EXOC4: variants seen among roughly 807,000 people sequenced by gnomAD.
The protein encoded by EXOC4 is exocyst complex component 4.
EXOC4 carries 71 observed loss-of-function variants against 107.2 expected under a neutral mutation model. The observed-to-expected ratio is 0.66, with a 90% confidence interval of 0.55 to 0.81. The LOEUF is 0.81. EXOC4 is among the 30% of genes least tolerant of loss of function. EXOC4 has a pLI of 0.00. For synonymous variants in EXOC4, 456 were observed against 441.2 expected (o/e 1.03, Z -0.42); for missense variants, 1,108 against 1,189.6 (o/e 0.93, Z 1.01).
chr7:134,044,672 T>C (rs1795603177), intron 17 of EXOC4, among the ~76,000 whole-genome samples: 1 of 152,242 alleles, frequency 6.6e-6, no homozygotes, highest in Non-Finnish European at 1.5e-5. Context: ...TTCGCTTTAA[T>C]GTAGCACACG....
intron 10 of EXOC4, among the ~76,000 whole-genome samples, chr7:133,717,109 A>G (rs1795013755): frequency 6.6e-6 from 1 of 152,208 alleles, no homozygotes; most frequent in Non-Finnish European, 1.5e-5. Context: ...ATAGATTCCA[A>G]TAAAAAAAAT....
intron 3 of EXOC4, among the ~76,000 whole-genome samples, chr7:133,295,093 T>C (rs983919195): frequency 6.6e-6 from 1 of 152,100 alleles, no homozygotes; most frequent in Non-Finnish European, 1.5e-5. Flanking sequence ...TTGTAGGAAA[T>C]GATATGATGA....
intron 14 of EXOC4, among the ~76,000 whole-genome samples, chr7:133,953,036 AT>A (rs1263951697): frequency 1.3e-5 from 2 of 152,212 alleles, no homozygotes; most frequent in Non-Finnish European, 2.9e-5. Flanking sequence ...GAAATTAGTC[AT>A]TTGAGATTAG....
intron 7 of EXOC4, among the ~76,000 whole-genome samples, chr7:133,429,457 A>G (rs186718292): frequency 2.0e-5 from 3 of 152,220 alleles, no homozygotes; most frequent in Admixed American, 2.0e-4. Context: ...TAATTCACAT[A>G]TAAGTCACCA....
At chr7:133,295,801 C>T (rs951447933) in intron 3 of EXOC4, among the ~76,000 whole-genome samples, 1 of 152,126 alleles carries the variant, frequency 6.6e-6, no homozygotes, top group African/African-American at 2.4e-5. Context: ...CCAAAACATA[C>T]ATACATCCCT....
rs753618140 is a variant in EXOC4 at position 133,289,045 on chromosome 7, A to G, written c.400A>G (p.Ile134Val). The change falls in exon 3 of 18, where the codon ATC (isoleucine) becomes GTC (valine). Residue 134 changes from isoleucine (I) to valine (V), a missense_variant. By Grantham distance (29) the Ile-to-Val change is conservative. Transcript: ENST00000253861. The stretch of plus-strand genomic sequence containing the variant: ...GAACTTGTTGGATGAAATTGAGAAT[A>G]TCAAGCAAGTGCCTCAAAAGCTGGA... ...VLNLLDEIEN[I>V]KQVPQKLEQC... The G allele has an allele frequency of 6.2e-7, 1 of 1,614,240 alleles. No homozygotes were observed. Among genetic ancestry groups the G allele is most frequent in the Admixed American group, 1.7e-5 (1 of 60,032 alleles).
chr7:133,847,269 C>T (rs959261995), intron 11 of EXOC4, among the ~76,000 whole-genome samples: 1 of 152,042 alleles, frequency 6.6e-6, no homozygotes, highest in Non-Finnish European at 1.5e-5. Context: ...GATGTGTTCA[C>T]TATGATATAC....
intron 7 of EXOC4, among the ~76,000 whole-genome samples, chr7:133,458,084 T>C (rs1798504458): frequency 2.0e-5 from 3 of 152,238 alleles, no homozygotes; most frequent in Admixed American, 2.0e-4. Context: ...TTATTTTTAC[T>C]GGCTAGATAT....
chr7:133,979,638 A>T (rs1434959940), intron 14 of EXOC4, among the ~76,000 whole-genome samples: 1 of 152,086 alleles, frequency 6.6e-6, no homozygotes, highest in South Asian at 2.1e-4. Context: ...ATACAAAAAA[A>T]TTAGCCGGGC....
At chr7:133,351,327 T>C (rs534875249) in intron 5 of EXOC4, among the ~76,000 whole-genome samples, 3 of 152,166 alleles carry the variant, frequency 2.0e-5, no homozygotes, top group Non-Finnish European at 4.4e-5. Flanking sequence ...GGTCTAGTGC[T>C]TTTCTTTGTT....
intron 10 of EXOC4, among the ~76,000 whole-genome samples, chr7:133,665,259 T>G (rs1400667451): frequency 6.6e-6 from 1 of 152,154 alleles, no homozygotes; most frequent in Non-Finnish European, 1.5e-5. Flanking sequence ...CATTTGACTT[T>G]TACATGGTTA....
rs140079700 is a variant in EXOC4, at chr7:133,358,566, G to C, written c.1007+1993G>C. 3.8e-4 allele frequency among the ~76,000 whole-genome samples: 58 copies of C among 152,134 alleles called. 1 individual carries two copies. The East Asian group carries it at 9.5e-3, about 25-fold the overall frequency. ...TTCTTTGCCTGGCACCTGGATTTTC[G>C]TGAAGACCTTTTGACTCCTTACTGA... On this transcript the variant is annotated intron_variant, in intron 6 of 17. Transcript: ENST00000253861.
intron 6 of EXOC4, among the ~76,000 whole-genome samples, chr7:133,373,838 A>T (rs970872998): frequency 1.3e-5 from 2 of 152,222 alleles, no homozygotes; most frequent in Admixed American, 1.3e-4. Flanking sequence ...GTATTCAGAG[A>T]TGTATAAAGC....
chr7:133,677,749 C>G (rs1378740471), intron 10 of EXOC4, among the ~76,000 whole-genome samples: 4 of 152,102 alleles, frequency 2.6e-5, no homozygotes, highest in Admixed American at 6.5e-5. Context: ...GCTAATCAAT[C>G]TTAAATCCTT....
intron 12 of EXOC4, among the ~76,000 whole-genome samples, chr7:133,908,849 T>G (rs1799625976): frequency 6.6e-6 from 1 of 152,204 alleles, no homozygotes. Context: ...AATTTTTTTA[T>G]TATCATACTT....
chr7:133,949,155 A>T (rs552518779), intron 14 of EXOC4, among the ~76,000 whole-genome samples: 1 of 152,292 alleles, frequency 6.6e-6, no homozygotes, highest in East Asian at 1.9e-4. Flanking sequence ...TTGGACCCAA[A>T]TTTGGTAGTC....
chr7:133,724,538 A>G (rs774858993), intron 10 of EXOC4, among the ~76,000 whole-genome samples: 2 of 152,204 alleles, frequency 1.3e-5, no homozygotes. Context: ...TATATTAGTG[A>G]CAAAACAGAA....
intron 14 of EXOC4, among the ~76,000 whole-genome samples, chr7:133,938,914 T>C (rs1466021656): frequency 6.6e-6 from 1 of 152,240 alleles, no homozygotes; most frequent in Non-Finnish European, 1.5e-5. Context: ...GCGATTCTCA[T>C]GCTTCAGCCT....
chr7:133,830,289 T>C (rs1419320303), intron 11 of EXOC4, among the ~76,000 whole-genome samples: 2 of 152,252 alleles, frequency 1.3e-5, no homozygotes, highest in African/African-American at 2.4e-5. Flanking sequence ...TCCGGTGACC[T>C]TGCTTGCTGT....
Sources: gnomAD v4.1 joint callset for allele counts (sites outside exome capture counted in the v4.1 genomes callset) on GRCh38, gnomAD v4.1.1 for gene constraint, MANE v1.5 for transcripts, NCBI Gene and HGNC (gene_info 2026-07-23, HGNC 2026-07-21) for gene names.